The following CHODL variants were observed in gnomAD, a reference collection of about 807,000 sequenced individuals.
CHODL encodes the protein transmembrane protein MT75.
A neutral mutation model predicts 34.5 loss-of-function variants in CHODL; 29 were observed. The observed-to-expected ratio is 0.84, with a 90% CI of 0.63 to 1.15. The LOEUF is 1.15. Among genes scored for constraint, CHODL ranks in the 50% most tolerant of loss-of-function variants. The pLI is 0.00. For missense variants in CHODL, 332 were observed against 332.5 expected, an observed-to-expected ratio of 1.00 and a Z score of 0.01; for synonymous variants, 125 against 116.1, an observed-to-expected ratio of 1.08 and a Z score of -0.49.
At chr21:18,073,011 C>G (rs2064823791) in intron 2 of CHODL, among the ~76,000 whole-genome samples, 1 of 152,132 alleles carries the variant, frequency 6.6e-6, no homozygotes, top group East Asian at 1.9e-4. Flanking sequence ...GGCTTCTTAT[C>G]AATGTGTAAC....
At chr21:18,139,925 T>G (rs1339624792) in intron 2 of CHODL, among the ~76,000 whole-genome samples, 1 of 152,190 alleles carries the variant, frequency 6.6e-6, no homozygotes, top group African/African-American at 2.4e-5. Flanking sequence ...TTGAGAGAAC[T>G]GAGGAAATAT....
At chr21:18,165,996 T>C (rs1339343527) in intron 2 of CHODL, among the ~76,000 whole-genome samples, 1 of 152,238 alleles carries the variant, frequency 6.6e-6, no homozygotes, top group African/African-American at 2.4e-5. Flanking sequence ...GTGGTTTCTG[T>C]AGATCAGAAA....
intron 2 of CHODL, among the ~76,000 whole-genome samples, chr21:18,101,736 G>A (rs1014170925): frequency 6.8e-6 from 1 of 146,362 alleles, no homozygotes; most frequent in African/African-American, 2.5e-5. Flanking sequence ...TTTTGCTGAT[G>A]TCTGTACTTG....
At chr21:18,098,232 C>A (rs928597567) in intron 2 of CHODL, among the ~76,000 whole-genome samples, 1 of 151,838 alleles carries the variant, frequency 6.6e-6, no homozygotes, top group Non-Finnish European at 1.5e-5. Context: ...AGTTAAAAAG[C>A]TTTTTTAGAG....
chr21:18,115,688 C>A (rs1016350280), intron 2 of CHODL, among the ~76,000 whole-genome samples: 1 of 152,202 alleles, frequency 6.6e-6, no homozygotes, highest in Non-Finnish European at 1.5e-5. Context: ...CTTAATTATC[C>A]CGATCCATGG....
Position 17,931,384 on chromosome 21 carries a change from C to G in CHODL, c.-145+13984C>G, listed in dbSNP as rs568407052. On this transcript the variant is annotated intron_variant, in intron 1 of 6. Coordinates refer to the CHODL transcript ENST00000400127. The stretch of plus-strand genomic sequence containing the variant: ...CGCTACTCAACTTATACTATAGTCA[C>G]ACTGTCATGGGGAAAATAATCCCAT... Among the ~76,000 whole-genome samples the G allele has an allele frequency of 2.6e-5, 4 of 152,324 alleles. No homozygotes were observed. The South Asian group carries it at 8.3e-4, about 32-fold the overall frequency.
At chr21:17,956,784 T>C (rs1787097382) in intron 1 of CHODL, among the ~76,000 whole-genome samples, 1 of 130,980 alleles carries the variant, frequency 7.6e-6, no homozygotes, top group Admixed American at 7.5e-5. Flanking sequence ...CTTATGACCT[T>C]AACCCCTCAA....
intron 2 of CHODL, among the ~76,000 whole-genome samples, chr21:18,169,210 T>G (rs1251345441): frequency 6.6e-6 from 1 of 152,146 alleles, no homozygotes; most frequent in Non-Finnish European, 1.5e-5. Flanking sequence ...GGAGGTTGAT[T>G]CAGATGTTTT....
chr21:18,054,447 A>C (rs905015559), intron 2 of CHODL, among the ~76,000 whole-genome samples: 3 of 152,000 alleles, frequency 2.0e-5, no homozygotes, highest in South Asian at 2.1e-4. Context: ...CTTAAGAAAG[A>C]AGGAAATCTT....
At chr21:18,177,630 T>C (rs1546826) in intron 2 of CHODL, among the ~76,000 whole-genome samples, 147,450 of 152,192 alleles carry the variant, frequency 0.97, 71,502 homozygotes, top group East Asian at 1. Flanking sequence ...TGCCAGAAAA[T>C]GTGCCAACAT....
chr21:18,046,472 C>G (rs1420875521), intron 2 of CHODL, among the ~76,000 whole-genome samples: 2 of 151,884 alleles, frequency 1.3e-5, no homozygotes, highest in Non-Finnish European at 2.9e-5. Context: ...ATTAGAATGA[C>G]AGGACCTGGC....
At chr21:18,161,254 G>A (rs192061992) in intron 2 of CHODL, among the ~76,000 whole-genome samples, 3 of 152,130 alleles carry the variant, frequency 2.0e-5, no homozygotes, top group East Asian at 1.9e-4. Flanking sequence ...CTTTGGTACT[G>A]GTTTTTTGTA....
At chr21:18,087,627 G>A (rs1275080477) in intron 2 of CHODL, among the ~76,000 whole-genome samples, 1 of 152,140 alleles carries the variant, frequency 6.6e-6, no homozygotes, top group Non-Finnish European at 1.5e-5. Context: ...CAGCCTGAGG[G>A]TAGAGGGCAG....
chr21:18,189,169 T>C (rs945095775), intron 2 of CHODL, among the ~76,000 whole-genome samples: 1 of 152,216 alleles, frequency 6.6e-6, no homozygotes, highest in African/African-American at 2.4e-5. Flanking sequence ...GACTCCATTT[T>C]GAGTTGCACA....
At chr21:18,123,349 C>A (rs983194521) in intron 2 of CHODL, among the ~76,000 whole-genome samples, 1 of 152,190 alleles carries the variant, frequency 6.6e-6, no homozygotes, top group African/African-American at 2.4e-5. Context: ...ACAAACAAAC[C>A]TTCTTATTAA....
At chr21:18,243,082 G>T (rs2074097298), upstream of CHODL, among the ~76,000 whole-genome samples, 2 of 152,164 alleles carry the variant, frequency 1.3e-5, no homozygotes, top group South Asian at 4.1e-4. Context: ...GAGAAGCCAT[G>T]GGTATCACCA....
chr21:18,241,682 G>A (rs1407029628), upstream of CHODL, among the ~76,000 whole-genome samples: 5 of 152,156 alleles, frequency 3.3e-5, no homozygotes. Context: ...TGCTCACTGG[G>A]AATTGCAGAC....
intron 2 of CHODL, among the ~76,000 whole-genome samples, chr21:18,207,915 T>C (rs1282499511): frequency 6.6e-6 from 1 of 152,030 alleles, no homozygotes; most frequent in African/African-American, 2.4e-5. Flanking sequence ...AGTTTGACTA[T>C]TAAAACTTTG....
intron 2 of CHODL, among the ~76,000 whole-genome samples, chr21:18,183,959 CT>C (rs1568927273): frequency 2.6e-5 from 4 of 152,020 alleles, no homozygotes; most frequent in Admixed American, 2.0e-4. Flanking sequence ...TGACTTTTTT[CT>C]TTTTTTAAAA....
Sources: allele counts gnomAD v4.1 joint callset (sites outside exome capture counted in the v4.1 genomes callset), GRCh38; gene constraint gnomAD v4.1.1; transcripts MANE v1.5; gene names NCBI Gene and HGNC (gene_info 2026-07-23, HGNC 2026-07-21).